The following SMIM20 variants were observed in gnomAD, a reference collection of about 807,000 sequenced individuals.
The protein encoded by SMIM20 is small integral membrane protein 20.
A neutral mutation model predicts 8.7 loss-of-function variants in SMIM20; 3 were observed. That is an observed-to-expected ratio of 0.34 (90% CI 0.16 to 0.89). The LOEUF (loss-of-function observed/expected upper bound fraction) is 0.89, where lower values mean the gene tolerates loss of function less well. Among genes scored for constraint, SMIM20 ranks in the 40% least tolerant of loss-of-function variants. The probability of loss-of-function intolerance (pLI) is 0.49; values close to 1 mark genes in which losing one functional copy is unlikely to be tolerated. For missense variants in SMIM20, 85 were observed against 84.8 expected (o/e 1.00, Z -0.01); for synonymous variants, 44 against 33.6 (o/e 1.31, Z -1.07).
chr4:25,925,257 G>T (rs1719270349), intron 1 of SMIM20, among the ~76,000 whole-genome samples: 1 of 151,744 alleles, frequency 6.6e-6, no homozygotes, highest in South Asian at 2.1e-4. Flanking sequence ...TCTTTTTTGA[G>T]ACAGAGTTTT....
At chr4:25,926,082 A>C (rs1719287273) in intron 1 of SMIM20, among the ~76,000 whole-genome samples, 1 of 152,160 alleles carries the variant, frequency 6.6e-6, no homozygotes, top group Non-Finnish European at 1.5e-5. Flanking sequence ...TGAAATTGGT[A>C]ATAAGTTTAT....
intron 1 of SMIM20, among the ~76,000 whole-genome samples, chr4:25,923,097 C>T (rs1275097584): frequency 6.6e-6 from 1 of 152,160 alleles, no homozygotes; most frequent in African/African-American, 2.4e-5. Flanking sequence ...CTGAAATGAG[C>T]GCTGGACAGA....
At chr4:25,920,626 G>C (rs1457883669) in intron 1 of SMIM20, among the ~76,000 whole-genome samples, 1 of 152,190 alleles carries the variant, frequency 6.6e-6, no homozygotes, top group Non-Finnish European at 1.5e-5. Context: ...AGTGTGCAGT[G>C]TTTATAGAGT....
chr4:25,926,231 A>C (rs537368334), intron 1 of SMIM20, among the ~76,000 whole-genome samples: 12 of 152,218 alleles, frequency 7.9e-5, no homozygotes, highest in Non-Finnish European at 1.6e-4. Flanking sequence ...CTAAATCGTG[A>C]GGGACTCGTT....
intron 1 of SMIM20, among the ~76,000 whole-genome samples, chr4:25,915,462 A>C (rs1719067048): frequency 6.6e-6 from 1 of 152,188 alleles, no homozygotes; most frequent in African/African-American, 2.4e-5. Flanking sequence ...GCTCCGTGTA[A>C]ATGTTCTGCC....
intron 1 of SMIM20, 132 bp downstream of exon 1, chr4:25,914,554 G>A (rs1056188065): frequency 7.2e-6 from 6 of 835,402 alleles, no homozygotes; most frequent in African/African-American, 7.1e-5. Flanking sequence ...ATCCTGCCAT[G>A]TGCAGCTTTG....
intron 1 of SMIM20, among the ~76,000 whole-genome samples, chr4:25,921,037 G>T (rs1349982074): frequency 6.6e-6 from 1 of 152,190 alleles, no homozygotes; most frequent in African/African-American, 2.4e-5. Context: ...AGTGACACAG[G>T]ACTGTATGTT....
intron 1 of SMIM20, among the ~76,000 whole-genome samples, chr4:25,919,211 A>T (rs1030042731): frequency 6.6e-6 from 1 of 152,018 alleles, no homozygotes; most frequent in Non-Finnish European, 1.5e-5. Context: ...GCCTGTGAAT[A>T]TCTTAAAACC....
At chr4:25,920,308 A>G (rs1352161824) in intron 1 of SMIM20, among the ~76,000 whole-genome samples, 1 of 152,220 alleles carries the variant, frequency 6.6e-6, no homozygotes, top group Non-Finnish European at 1.5e-5. Flanking sequence ...TCTGTCGCCT[A>G]GTGATGTCCT....
At chr4:25,928,639 T>G (rs537601592) in intron 2 of SMIM20, among the ~76,000 whole-genome samples, 7 of 152,370 alleles carry the variant, frequency 4.6e-5, no homozygotes, top group Middle Eastern at 6.8e-3. Flanking sequence ...AACAAGTGCG[T>G]GATTCGATAT....
At chr4:25,922,997 G>T (rs1425555023) in intron 1 of SMIM20, among the ~76,000 whole-genome samples, 2 of 152,250 alleles carry the variant, frequency 1.3e-5, no homozygotes, top group Non-Finnish European at 2.9e-5. Flanking sequence ...TTGGCGTTCA[G>T]CATGATCTTC....
At chr4:25,923,880 G>T (rs1270265733) in intron 1 of SMIM20, among the ~76,000 whole-genome samples, 2 of 152,258 alleles carry the variant, frequency 1.3e-5, no homozygotes, top group Non-Finnish European at 2.9e-5. Flanking sequence ...GCATTACACA[G>T]TTCCCTGGAT....
intron 1 of SMIM20, among the ~76,000 whole-genome samples, chr4:25,915,547 C>G (rs1174609578): frequency 6.6e-6 from 1 of 152,206 alleles, no homozygotes; most frequent in Non-Finnish European, 1.5e-5. Context: ...CTTGTAGCTT[C>G]TTTTCATTAG....
chr4:25,914,222 C>A lies in SMIM20; in HGVS notation c.-92C>A. The stretch of plus-strand genomic sequence containing the variant: ...CCCGGAAGCGAAAGCCTCTCCACCT[C>A]TTCCGAGCGGGGTCACGGCCCGGCC... On this transcript the variant is annotated 5_prime_UTR_variant, in exon 1 of 3. Coordinates refer to ENST00000506197, the MANE Select transcript of SMIM20 (RefSeq NM_001145432.3). 1 of 1,497,966 alleles carries A rather than the reference C, an allele frequency of 6.7e-7. No homozygotes were observed. Among genetic ancestry groups the A allele is most frequent in the South Asian group, 1.3e-5 (1 of 78,018 alleles). 92.8% of individuals were successfully genotyped at this position (1,497,966 alleles called of 1,614,324 possible). A position where few individuals can be genotyped will look rare whatever the true frequency, so the allele number is the denominator to read the frequency against.
At chr4:25,925,356 C>A (rs934859179) in intron 1 of SMIM20, among the ~76,000 whole-genome samples, 1 of 152,146 alleles carries the variant, frequency 6.6e-6, no homozygotes, top group Non-Finnish European at 1.5e-5. Flanking sequence ...CCTGCCTTAG[C>A]CTCCCAAGTA....
rs1355143624 is a variant in SMIM20, at chr4:25,924,647, T to G, written c.110-3666T>G. Among the ~76,000 whole-genome samples, 6 of 152,200 alleles carry G rather than the reference T, an allele frequency of 3.9e-5. 1 individual carries two copies. The highest frequency in any genetic ancestry group is 3.8e-4 in the East Asian group (2 of 5,202). The stretch of plus-strand genomic sequence containing the variant: ...ATACATATATACAGATATAGTTATA[T>G]GTACTATATATTATAATTATTACTG... On this transcript the variant is annotated intron_variant, in intron 1 of 2. Coordinates refer to ENST00000506197, the MANE Select transcript of SMIM20 (RefSeq NM_001145432.3).
In SMIM20 at chr4:25,929,176, A is replaced by G. The variant is rs1711584426; in HGVS notation, c.189A>G (p.Pro63=). The change falls in exon 3 of 3, where the codon CCA becomes CCG. Residue 63 remains proline, a synonymous_variant. Transcript: ENST00000506197. ...QPPGLKVWSD[P]FGRK ...TAGGGTTAAAAGTGTGGTCTGATCCATTTGGCAGGAAATGAGAGGGCTGTC... is the reference window on the plus strand; with the variant it reads ...TAGGGTTAAAAGTGTGGTCTGATCCGTTTGGCAGGAAATGAGAGGGCTGTC... 1.9e-6 allele frequency: 3 copies of G among 1,551,996 alleles called. No individual in the cohort carries two copies. The highest frequency in any genetic ancestry group is 2.7e-5 in the African/African-American group (2 of 73,050).
rs549961577 is a variant in SMIM20 at position 25,929,137 on chromosome 4, C to G, written c.167-17C>G. On this transcript the variant is annotated splice_polypyrimidine_tract_variant and intron_variant, in intron 2 of 2. Transcript: ENST00000506197. ...TTTAAAAATGAATCCTGTTTTTGTT[C>G]CTGTTTCTTTCCATAGGGTTAAAAG... 2 of 1,551,150 alleles carry G rather than the reference C, an allele frequency of 1.3e-6. No individual in the cohort carries two copies. The highest frequency in any genetic ancestry group is 2.4e-5 in the South Asian group (2 of 84,008).
At chr4:25,920,295 AT>A (rs1397172254) in intron 1 of SMIM20, among the ~76,000 whole-genome samples, 3 of 152,186 alleles carry the variant, frequency 2.0e-5, no homozygotes, top group African/African-American at 7.2e-5. Flanking sequence ...GTGCTGAAAA[AT>A]TTCTGTCGCC....
Sources: gnomAD v4.1 joint callset for allele counts (sites outside exome capture counted in the v4.1 genomes callset) on GRCh38, gnomAD v4.1.1 for gene constraint, MANE v1.5 for transcripts, NCBI Gene and HGNC (gene_info 2026-07-23, HGNC 2026-07-21) for gene names.